The following COL23A1 variants were observed in gnomAD, a reference collection of about 807,000 sequenced individuals.
COL23A1 encodes the protein collagen type XXIII alpha 1 chain.
Under a neutral mutation model 99.3 loss-of-function variants are expected in COL23A1, and 97 were observed. The ratio of observed to expected loss-of-function variants is 0.98; its 90% CI spans 0.83 to 1.16. COL23A1 has a LOEUF of 1.16. Among genes scored for constraint, COL23A1 ranks in the 50% most tolerant of loss-of-function variants. The pLI, the probability that COL23A1 is intolerant of heterozygous loss-of-function variation, is 0.00. For synonymous variants in COL23A1, 320 were observed against 308.2 expected (o/e 1.04, Z -0.40); for missense variants, 762 against 757.4 (o/e 1.01, Z -0.07).
chr5:178,523,189 T>TATATATATATATATACAC (rs1760076640), intron 2 of COL23A1, among the ~76,000 whole-genome samples: 1 of 76,970 alleles, frequency 1.3e-5, no homozygotes, highest in African/African-American at 4.3e-5. Flanking sequence ...CACATATATA[T>TATATATATATATATACAC]ATATATATAT....
intron 2 of COL23A1, among the ~76,000 whole-genome samples, chr5:178,489,822 G>A (rs1463475129): frequency 1.3e-5 from 2 of 152,204 alleles, no homozygotes; most frequent in African/African-American, 4.8e-5. Context: ...GCATACTCAT[G>A]TTCCTAACAG....
chr5:178,250,832 T>C lies in COL23A1; in HGVS notation c.1015-727A>G, dbSNP rs535543163. Among the ~76,000 whole-genome samples the C allele has an allele frequency of 7.9e-5, 12 of 152,030 alleles. No individual in the cohort carries two copies. In the South Asian group the frequency reaches 2.1e-3, roughly 26 times the overall value. On this transcript the variant is annotated intron_variant, in intron 17 of 28. Coordinates refer to ENST00000390654, the MANE Select transcript of COL23A1 (RefSeq NM_173465.4). ...CCCCCCTCTACTAAAAATATAAAAA[T>C]TAGCTGGGCTTGGTGGCACAGGCCT...
At chr5:178,356,728 C>T (rs560840710) in intron 2 of COL23A1, among the ~76,000 whole-genome samples, 9 of 152,304 alleles carry the variant, frequency 5.9e-5, no homozygotes, top group East Asian at 5.8e-4. Flanking sequence ...AGGAGGCACG[C>T]GCCAAACCCA....
At chr5:178,492,679 G>A (rs531437721) in intron 2 of COL23A1, among the ~76,000 whole-genome samples, 9 of 151,604 alleles carry the variant, frequency 5.9e-5, no homozygotes, top group Admixed American at 2.0e-4. Flanking sequence ...GCCACATCTC[G>A]TATGACTCCA....
At chr5:178,461,733 A>G (rs1231925481) in intron 2 of COL23A1, among the ~76,000 whole-genome samples, 2 of 152,196 alleles carry the variant, frequency 1.3e-5, no homozygotes, top group Non-Finnish European at 2.9e-5. Flanking sequence ...TTGTGAGAGG[A>G]TAAAATGAAG....
intron 17 of COL23A1, among the ~76,000 whole-genome samples, chr5:178,251,025 A>AT (rs70994990): frequency 0.6 from 72,187 of 121,084 alleles, 22,973 homozygotes; most frequent in Middle Eastern, 0.8. Context: ...TCGCAAGATA[A>AT]TTTTTTTTTT....
At chr5:178,552,947 A>G (rs1227753674) in intron 2 of COL23A1, among the ~76,000 whole-genome samples, 4 of 151,896 alleles carry the variant, frequency 2.6e-5, no homozygotes. Flanking sequence ...TGACCTTGTG[A>G]TCCCCCCGCC....
Position 178,262,216 on chromosome 5 carries a change from C to T in COL23A1, c.675+1G>A, listed in dbSNP as rs1332636669. The T allele has an allele frequency of 6.3e-7, 1 of 1,582,702 alleles. No homozygotes were observed. Among genetic ancestry groups the T allele is most frequent in the Non-Finnish European group, 8.6e-7 (1 of 1,163,726 alleles). Reference sequence around the variant, plus strand: ...GCCTCTGGAATGCCCTGGATACTGACCATCTCGCCGTCTTGTCCGGGCTCT... The same window carrying T: ...GCCTCTGGAATGCCCTGGATACTGATCATCTCGCCGTCTTGTCCGGGCTCT... On this transcript the variant is annotated splice_donor_variant, in intron 10 of 28. Transcript: ENST00000390654. LOFTEE classifies it high-confidence loss of function.
At chr5:178,410,095 T>A (rs934438296) in intron 2 of COL23A1, among the ~76,000 whole-genome samples, 1 of 152,190 alleles carries the variant, frequency 6.6e-6, no homozygotes, top group Non-Finnish European at 1.5e-5. Context: ...AGTTTTACCA[T>A]CTATGATGAA....
intron 25 of COL23A1, among the ~76,000 whole-genome samples, chr5:178,244,617 C>G (rs1764575967): frequency 6.6e-6 from 1 of 152,192 alleles, no homozygotes; most frequent in African/African-American, 2.4e-5. Context: ...TTTACCTCAC[C>G]ACCACGTGGA....
intron 2 of COL23A1, among the ~76,000 whole-genome samples, chr5:178,327,102 C>G (rs898291882): frequency 1.3e-5 from 2 of 152,214 alleles, no homozygotes; most frequent in African/African-American, 4.8e-5. Flanking sequence ...ATTGGTTCAT[C>G]CATTCATCCA....
chr5:178,543,802 C>G (rs1761429727), intron 2 of COL23A1, among the ~76,000 whole-genome samples: 1 of 152,152 alleles, frequency 6.6e-6, no homozygotes. Context: ...TCTAAGAAAA[C>G]CTACCAGTGG....
rs73803030 is a variant in COL23A1, at chr5:178,403,958, C to T, written c.362-97039G>A. Among the ~76,000 whole-genome samples, 358 of 152,294 alleles carry T rather than the reference C, an allele frequency of 2.4e-3. 1 individual carries two copies. The highest frequency in any genetic ancestry group is 6.9e-3 in the African/African-American group (286 of 41,564). ...CGTAACAAAAGCCTCAAAAGAATGA[C>T]GGATTTTTCTAAAGAGAAGTTCAAA... On this transcript the variant is annotated intron_variant, in intron 2 of 28. Transcript: ENST00000390654.
intron 10 of COL23A1, among the ~76,000 whole-genome samples, chr5:178,262,002 C>A (rs1765650203): frequency 6.6e-6 from 1 of 152,238 alleles, no homozygotes; most frequent in Non-Finnish European, 1.5e-5. Context: ...CTGGAATCCC[C>A]CTGGCTGGTG....
At chr5:178,556,580 A>C (rs1762284917) in intron 2 of COL23A1, among the ~76,000 whole-genome samples, 1 of 150,342 alleles carries the variant, frequency 6.7e-6, no homozygotes, top group African/African-American at 2.5e-5. Flanking sequence ...CCAAGATCGC[A>C]CCACTGCACT....
At chr5:178,479,337 T>C (rs1025804928) in intron 2 of COL23A1, among the ~76,000 whole-genome samples, 1 of 152,172 alleles carries the variant, frequency 6.6e-6, no homozygotes, top group Non-Finnish European at 1.5e-5. Context: ...CCCACGCCTG[T>C]GCTCCTAACC....
Position 178,255,794 on chromosome 5 carries a change from GC to G in COL23A1, c.882+558del. The G allele has an allele frequency of 2.6e-6, 1 of 377,768 alleles. No homozygotes were observed. Among genetic ancestry groups the G allele is most frequent in the South Asian group, 1.9e-5 (1 of 53,528 alleles). 23.4% of individuals were successfully genotyped at this position (377,768 alleles called of 1,614,324 possible). A position where few individuals can be genotyped will look rare whatever the true frequency, so the allele number is the denominator to read the frequency against. On this transcript the variant is annotated intron_variant, in intron 15 of 28. Coordinates refer to ENST00000390654, the MANE Select transcript of COL23A1 (RefSeq NM_173465.4). The surrounding 1 kb of genome is among the most constrained non-coding windows in gnomAD (Gnocchi z 4.2). ...CCTCCCGCTCCCCACCACCTGCACA[GC>G]CAGGCGGGGGCTCAGATCCATTTTT...
In COL23A1 at chr5:178,340,250, C is replaced by T. The variant is rs918101804; in HGVS notation, c.362-33331G>A. 6.6e-6 allele frequency among the ~76,000 whole-genome samples: 1 copy of T among 152,180 alleles called. No individual in the cohort carries two copies. Among genetic ancestry groups the T allele is most frequent in the African/African-American group, 2.4e-5 (1 of 41,440 alleles). On this transcript the variant is annotated intron_variant, in intron 2 of 28. Transcript: ENST00000390654. The surrounding 1 kb of genome is among the most constrained non-coding windows in gnomAD (Gnocchi z 4.7). Reference sequence around the variant, plus strand: ...ATGGGCCTGGCTGAGAACAAGGACACCTTTCTGACCAGCAATAAGCCTCAC... The same window carrying T: ...ATGGGCCTGGCTGAGAACAAGGACATCTTTCTGACCAGCAATAAGCCTCAC...
chr5:178,561,402 G>A (rs1278949587), intron 1 of COL23A1, among the ~76,000 whole-genome samples: 2 of 152,206 alleles, frequency 1.3e-5, no homozygotes, highest in Non-Finnish European at 2.9e-5. Flanking sequence ...TGGGTGAGAG[G>A]AAAAGAATTA....
Sources: gnomAD v4.1 joint callset for allele counts (sites outside exome capture counted in the v4.1 genomes callset) on GRCh38, gnomAD v4.1.1 for gene constraint, Gnocchi (gnomAD v3.1) non-coding constraint, MANE v1.5 for transcripts, NCBI Gene and HGNC (gene_info 2026-07-23, HGNC 2026-07-21) for gene names.